TMEM68: variants seen among roughly 807,000 people sequenced by gnomAD.
The protein encoded by TMEM68 is transmembrane protein 68, also known as DGAT1/2-independent enzyme synthesizing storage lipids.
In TMEM68, 25 loss-of-function variants were observed where a neutral mutation model predicts 36.9. The ratio of observed to expected loss-of-function variants is 0.68; its 90% CI spans 0.49 to 0.95. The LOEUF (loss-of-function observed/expected upper bound fraction) is 0.95, where lower values mean the gene tolerates loss of function less well. Ranked by LOEUF, TMEM68 falls within the 40% of genes least tolerant of loss-of-function variation. The pLI, the probability that TMEM68 is intolerant of heterozygous loss-of-function variation, is 0.00. For missense variants in TMEM68, 333 were observed against 392.0 expected, an observed-to-expected ratio of 0.85 and a Z score of 1.27; for synonymous variants, 131 against 124.4, an observed-to-expected ratio of 1.05 and a Z score of -0.35.
intron 6 of TMEM68, among the ~76,000 whole-genome samples, chr8:55,743,939 G>A (rs1254392167): frequency 6.6e-6 from 1 of 150,912 alleles, no homozygotes; most frequent in Non-Finnish European, 1.5e-5. Context: ...TAAAGTACAG[G>A]AATTAAACAA....
At chr8:55,745,643 C>G (rs1011716356) in intron 5 of TMEM68, 3 of 152,090 alleles carry the variant, frequency 2.0e-5, no homozygotes, top group African/African-American at 7.2e-5. Context: ...CTTTAGTGGG[C>G]TACTGAATAG....
intron 5 of TMEM68, among the ~76,000 whole-genome samples, chr8:55,748,846 C>T (rs1810357178): frequency 6.6e-6 from 1 of 152,128 alleles, no homozygotes; most frequent in African/African-American, 2.4e-5. Flanking sequence ...CTGCCTTGGC[C>T]TCCGAAAGTG....
intron 1 of TMEM68, among the ~76,000 whole-genome samples, chr8:55,769,322 CA>C (rs56065552): frequency 0.014 from 1,030 of 71,582 alleles, 21 homozygotes; most frequent in African/African-American, 0.056. Flanking sequence ...AATCCCATCT[CA>C]AAAAAAAAAA....
intron 4 of TMEM68, 139 bp downstream of exon 4, chr8:55,756,105 A>C (rs1353718602): frequency 8.0e-6 from 4 of 500,514 alleles, no homozygotes; most frequent in Non-Finnish European, 1.3e-5. Context: ...CCCATATTAG[A>C]GTTCCAAGAG....
intron 1 of TMEM68, among the ~76,000 whole-genome samples, chr8:55,767,349 T>C (rs991353893): frequency 3.3e-5 from 5 of 152,194 alleles, no homozygotes; most frequent in African/African-American, 4.8e-5. Flanking sequence ...ATTGCTATCA[T>C]CATTATTATT....
rs758985588 is a variant in TMEM68, at chr8:55,740,102, C to T, written c.*30G>A. On this transcript the variant is annotated 3_prime_UTR_variant, in exon 8 of 8. Transcript: ENST00000434581. Reference sequence around the variant, plus strand: ...GATACAAACATTTAATATAAATGTACTAAATCATCTTCTAGTTGACCCTTT... The same window carrying T: ...GATACAAACATTTAATATAAATGTATTAAATCATCTTCTAGTTGACCCTTT... 1 of 1,559,396 alleles carries T rather than the reference C, an allele frequency of 6.4e-7. No individual in the cohort carries two copies. The highest frequency in any genetic ancestry group is 1.7e-5 in the Admixed American group (1 of 58,866).
intron 3 of TMEM68, among the ~76,000 whole-genome samples, chr8:55,758,301 G>A (rs1018334719): frequency 1.3e-5 from 2 of 152,100 alleles, no homozygotes; most frequent in African/African-American, 2.4e-5. Flanking sequence ...ACCACCAATG[G>A]CCTGACAGAT....
chr8:55,741,186 C>T (rs1413903929), intron 7 of TMEM68, among the ~76,000 whole-genome samples: 1 of 152,090 alleles, frequency 6.6e-6, no homozygotes, highest in African/African-American at 2.4e-5. Context: ...GAGCCAAGAT[C>T]GCGCCATTGC....
At chr8:55,769,897 T>C (rs1811098802) in intron 1 of TMEM68, among the ~76,000 whole-genome samples, 1 of 152,198 alleles carries the variant, frequency 6.6e-6, no homozygotes, top group Admixed American at 6.5e-5. Flanking sequence ...CCTTCCAAAG[T>C]GCTCGGATTG....
chr8:55,751,445 C>T, intron 4 of TMEM68: 1 of 421,532 alleles, frequency 2.4e-6, no homozygotes, highest in Non-Finnish European at 4.4e-6. Flanking sequence ...CTCAAAGTCA[C>T]ACATCTAAGA....
rs190046630 is a variant in TMEM68 at position 55,756,180 on chromosome 8, C to T, written c.493+64G>A. The T allele has an allele frequency of 6.2e-6, 9 of 1,448,234 alleles. No individual in the cohort carries two copies. In the Admixed American group the frequency reaches 9.6e-5, roughly 15 times the overall value. The allele number at this position is 1,448,234 out of a possible 1,614,324, so 89.7% of individuals were successfully genotyped here. A position where few individuals can be genotyped will look rare whatever the true frequency, so the allele number is the denominator to read the frequency against. On this transcript the variant is annotated intron_variant, in intron 4 of 7. Transcript: ENST00000434581. ...GACGTTAGAGAGCTCAGGATAGAGA[C>T]GACCACATAACTTGGTTTTGTTAAT...
chr8:55,770,688 G>C (rs1192965955), intron 1 of TMEM68, among the ~76,000 whole-genome samples: 1 of 151,932 alleles, frequency 6.6e-6, no homozygotes, highest in Non-Finnish European at 1.5e-5. Flanking sequence ...GGGGCAGGGG[G>C]GAACTCTATG....
rs1313782139 is a variant in TMEM68 at position 55,754,920 on chromosome 8, T to C, written c.493+1324A>G. Among the ~76,000 whole-genome samples the C allele has an allele frequency of 6.8e-4, 30 of 44,420 alleles. No homozygotes were observed. In the Admixed American group the frequency reaches 9.2e-3, roughly 14 times the overall value. The allele number at this position is 44,420 out of a possible 152,430, so 29.1% of individuals were successfully genotyped here. A position where few individuals can be genotyped will look rare whatever the true frequency, so the allele number is the denominator to read the frequency against. On this transcript the variant is annotated intron_variant, in intron 4 of 7. Coordinates refer to ENST00000434581, the MANE Select transcript of TMEM68 (RefSeq NM_001286657.2). ...AAATACATATATTATATATTATATA[T>C]TTATATATATTTATATATATTTATA...
intron 1 of TMEM68, among the ~76,000 whole-genome samples, chr8:55,770,483 TG>T (rs1393881115): frequency 1.3e-5 from 2 of 152,240 alleles, no homozygotes; most frequent in East Asian, 3.9e-4. Context: ...GAGACCAGCC[TG>T]GGGGCAACAT....
rs1190562226 is a variant in TMEM68, at chr8:55,762,947, T to C, written c.13A>G (p.Asn5Asp). Residue 5 changes from asparagine (N) to aspartate (D), a missense_variant, in exon 3 of 8, where the codon AAT (asparagine) becomes GAT (aspartate). By Grantham distance (23) the Asn-to-Asp change is conservative (BLOSUM62 1). Coordinates refer to ENST00000434581, the MANE Select transcript of TMEM68 (RefSeq NM_001286657.2). ...TCCTGTCCTACACCACAGGTTTGAT[T>C]TTTGTCTATCATTTTTCTTCAGGTG... MIDK[N>D]QTCGVGQDSV... is the part of the protein sequence containing the mutation. 6 of 1,577,054 alleles carry C rather than the reference T, an allele frequency of 3.8e-6. No homozygotes were observed. The East Asian group carries it at 1.4e-4, about 36-fold the overall frequency.
intron 7 of TMEM68, among the ~76,000 whole-genome samples, chr8:55,742,743 A>G (rs1810141052): frequency 6.6e-6 from 1 of 151,978 alleles, no homozygotes; most frequent in African/African-American, 2.4e-5. Flanking sequence ...TTAACATAAC[A>G]TTTATTGCAT....
In TMEM68 at chr8:55,738,926, C is replaced by A. The variant is rs1810014721; in HGVS notation, c.*1206G>T. On this transcript the variant is annotated 3_prime_UTR_variant, in exon 8 of 8. Transcript: ENST00000434581. ...TTAAATAATACTTAAATTCAGTTTT[C>A]AAGAAGACAACAAATTGAAAATCAT... The A allele has an allele frequency of 6.6e-6, 1 of 152,542 alleles. No individual in the cohort carries two copies. 9.4% of individuals were successfully genotyped at this position (152,542 alleles called of 1,614,324 possible).
At chr8:55,744,070 T>C (rs1057052070) in intron 6 of TMEM68, among the ~76,000 whole-genome samples, 16 of 151,728 alleles carry the variant, frequency 1.1e-4, no homozygotes, top group Admixed American at 8.5e-4. Flanking sequence ...AAAAAGTCTA[T>C]AGAGTCTCAC....
chr8:55,769,026 A>T (rs1166562784), intron 1 of TMEM68, among the ~76,000 whole-genome samples: 6 of 146,416 alleles, frequency 4.1e-5, no homozygotes, highest in Admixed American at 1.4e-4. Context: ...TTTAAAAAAA[A>T]AAAAAAAAAA....
Sources: gnomAD v4.1 joint callset for allele counts (sites outside exome capture counted in the v4.1 genomes callset) on GRCh38, gnomAD v4.1.1 for gene constraint, MANE v1.5 for transcripts, NCBI Gene and HGNC (gene_info 2026-07-23, HGNC 2026-07-21) for gene names.